Variants in TEX10 observed in about 807,000 individuals in gnomAD.
TEX10 encodes testis-expressed protein 10.
A neutral mutation model predicts 104.4 loss-of-function variants in TEX10; 24 were observed. The ratio of observed to expected loss-of-function variants is 0.23; its 90% CI spans 0.17 to 0.32. TEX10 has a LOEUF of 0.32. Ranked by LOEUF, TEX10 falls within the 10% of genes least tolerant of loss-of-function variation. TEX10 has a pLI of 1.00. For synonymous variants in TEX10, 396 were observed against 393.4 expected, an observed-to-expected ratio of 1.01 and a Z score of -0.08; for missense variants, 921 against 1,083.9, an observed-to-expected ratio of 0.85 and a Z score of 2.11.
intron 11 of TEX10, among the ~76,000 whole-genome samples, chr9:100,315,665 A>T (rs1163338947): frequency 4.6e-5 from 7 of 152,160 alleles, no homozygotes; most frequent in Non-Finnish European, 1.0e-4. Context: ...CAGCCAATAA[A>T]GTACTTTTTG....
In TEX10 at chr9:100,352,925, C is replaced by A; in HGVS notation, c.-163G>T. 1.0e-6 allele frequency: 1 copy of A among 991,006 alleles called. No individual in the cohort carries two copies. Among genetic ancestry groups the A allele is most frequent in the Non-Finnish European group, 1.2e-6 (1 of 834,118 alleles). The allele number at this position is 991,006 out of a possible 1,614,324, so 61.4% of individuals were successfully genotyped here. A position where few individuals can be genotyped will look rare whatever the true frequency, so the allele number is the denominator to read the frequency against. On this transcript the variant is annotated 5_prime_UTR_variant, in exon 1 of 15. Coordinates refer to ENST00000374902, the MANE Select transcript of TEX10 (RefSeq NM_017746.4). ...GTCCTCACGCGGCCGCGTCTCCTTC[C>A]GCCGCCCGGAAATCAGGGCCCCTCC...
chr9:100,329,052 G>C, intron 7 of TEX10, 88 bp downstream of exon 7: 1 of 1,338,362 alleles, frequency 7.5e-7, no homozygotes, highest in Non-Finnish European at 1.0e-6. Context: ...CTTCTCCAAA[G>C]ATTTAATCTC....
rs777899093 is a variant in TEX10 at position 100,352,916 on chromosome 9, G to T, written c.-154C>A. ...AATAGCCTCGTCCTCACGCGGCCGCGTCTCCTTCCGCCGCCCGGAAATCAG... is the reference window on the plus strand; with the variant it reads ...AATAGCCTCGTCCTCACGCGGCCGCTTCTCCTTCCGCCGCCCGGAAATCAG... On this transcript the variant is annotated 5_prime_UTR_variant, in exon 1 of 15. Transcript: ENST00000374902. 8.1e-6 allele frequency: 8 copies of T among 990,018 alleles called. No individual in the cohort carries two copies. Among genetic ancestry groups the T allele is most frequent in the Non-Finnish European group, 9.6e-6 (8 of 833,416 alleles). The allele number at this position is 990,018 out of a possible 1,614,324, so 61.3% of individuals were successfully genotyped here.
rs769908363 is a variant in TEX10, at chr9:100,330,169, G to C, written c.1251C>G (p.Ser417Arg). The C allele has an allele frequency of 1.3e-6, 2 of 1,586,270 alleles. No individual in the cohort carries two copies. Among genetic ancestry groups the C allele is most frequent in the Admixed American group, 1.7e-5 (1 of 58,738 alleles). ...TKHKRKEPNK[S>R]IKHCTVLSNN... Reference sequence around the variant, plus strand: ...TGGAGAGAACTGTGCAATGCTTGATGCTAGAAACAAAGACACACACATCTA... The same window carrying C: ...TGGAGAGAACTGTGCAATGCTTGATCCTAGAAACAAAGACACACACATCTA... The change falls in exon 6 of 15, where the codon AGC becomes AGG. Residue 417 changes from serine to arginine, a missense_variant and splice_region_variant. Transcript: ENST00000374902.
chr9:100,350,648 C>T (rs1835416237), intron 1 of TEX10, among the ~76,000 whole-genome samples: 1 of 152,072 alleles, frequency 6.6e-6, no homozygotes, highest in Non-Finnish European at 1.5e-5. Context: ...TTATCCTGTG[C>T]CTGGCCATAA....
chr9:100,347,304 G>A lies in TEX10; in HGVS notation c.283C>T (p.His95Tyr), dbSNP rs993027136. The A allele has an allele frequency of 1.9e-6, 3 of 1,614,036 alleles. No homozygotes were observed. The highest frequency in any genetic ancestry group is 2.5e-6 in the Non-Finnish European group (3 of 1,180,022). ...LSQYPFIIDAHLSNILSEVTA... is the reference protein window; with the variant it reads ...LSQYPFIIDAYLSNILSEVTA... ...ACTTCACTTAATATGTTTGAAAGGT[G>A]TGCATCAATTATAAATGGGTATTGA... Residue 95 changes from histidine to tyrosine, a missense_variant, in exon 3 of 15, where the codon CAC becomes TAC. By Grantham distance (83) the His-to-Tyr change is moderately conservative (BLOSUM62 2). Coordinates refer to ENST00000374902, the MANE Select transcript of TEX10 (RefSeq NM_017746.4).
intron 11 of TEX10, among the ~76,000 whole-genome samples, chr9:100,310,740 T>C (rs1049015088): frequency 3.9e-5 from 6 of 152,160 alleles, no homozygotes; most frequent in Non-Finnish European, 8.8e-5. Flanking sequence ...TGCCCAGCAA[T>C]AGATTCTTTT....
At chr9:100,306,652 C>G (rs10989050) in intron 13 of TEX10, 20,129 of 152,184 alleles carry the variant, frequency 0.13, 1,392 homozygotes, top group Non-Finnish European at 0.15. Flanking sequence ...TTATAAACAC[C>G]TTCTCCAGTG....
Position 100,346,787 on chromosome 9 carries a change from A to G in TEX10, c.800T>C (p.Ile267Thr), listed in dbSNP as rs1313933559. 5 of 1,614,170 alleles carry G rather than the reference A, an allele frequency of 3.1e-6. No homozygotes were observed. In the South Asian group the frequency reaches 5.5e-5, roughly 18 times the overall value. The change falls in exon 3 of 15, where the codon ATC (isoleucine) becomes ACC (threonine). Residue 267 changes from isoleucine to threonine, a missense_variant. Ile to Thr is a moderately conservative substitution (Grantham distance 89, BLOSUM62 -1). Around this residue, in one of 3 missense-constraint regions of TEX10, gnomAD observed 753 missense variants for 868.4 expected, o/e 0.87. Transcript: ENST00000374902. ...NPHATSNSIF[I>T]NWKEHANDQQ... The stretch of plus-strand genomic sequence containing the variant: ...GTCGTTGGCATGTTCCTTCCAGTTG[A>G]TAAAAATGGAGTTGCTAGTGGCATG...
At chr9:100,318,984 GA>G (rs201222368) in intron 11 of TEX10, among the ~76,000 whole-genome samples, 3,797 of 152,224 alleles carry the variant, frequency 0.025, 64 homozygotes, top group Non-Finnish European at 0.04. Context: ...CTGAGGTTAG[GA>G]ATTCAAGACC....
chr9:100,320,123 A>G, intron 11 of TEX10, 142 bp downstream of exon 11: 3 of 742,392 alleles, frequency 4.0e-6, no homozygotes, highest in Non-Finnish European at 5.9e-6. Context: ...TTTCAAACGT[A>G]CTTCTCCCAT....
chr9:100,334,566 A>G (rs1428933804), intron 5 of TEX10, among the ~76,000 whole-genome samples: 4 of 152,216 alleles, frequency 2.6e-5, no homozygotes, highest in African/African-American at 9.6e-5. Flanking sequence ...AGTGGTAGAC[A>G]GAAGTTTACT....
intron 11 of TEX10, among the ~76,000 whole-genome samples, chr9:100,318,489 G>A (rs1309719876): frequency 6.6e-6 from 1 of 152,142 alleles, no homozygotes; most frequent in Non-Finnish European, 1.5e-5. Context: ...TGGGGTGAAT[G>A]ATAGGAGATT....
rs139654053 is a variant in TEX10 at position 100,320,359 on chromosome 9, C to T, written c.2108G>A (p.Arg703Gln). 8 of 1,612,264 alleles carry T rather than the reference C, an allele frequency of 5.0e-6. No individual in the cohort carries two copies. Among genetic ancestry groups the T allele is most frequent in the Admixed American group, 1.7e-5 (1 of 59,958 alleles). Residue 703 changes from arginine to glutamine, a missense_variant, in exon 11 of 15, where the codon CGA (arginine) becomes CAA (glutamine). By Grantham distance (43) the Arg-to-Gln change is conservative. Coordinates refer to ENST00000374902, the MANE Select transcript of TEX10 (RefSeq NM_017746.4). ...TGTCTGGATGACATGAGGAACTCCTCGAAGGCTCTGAAGCCAAGTCAACTC... is the reference window on the plus strand; with the variant it reads ...TGTCTGGATGACATGAGGAACTCCTTGAAGGCTCTGAAGCCAAGTCAACTC... ...KEELTWLQSL[R>Q]GVPHVIQTQL...
intron 11 of TEX10, 134 bp from the exon 12 acceptor site, chr9:100,310,513 A>T: frequency 1.3e-6 from 1 of 762,446 alleles, no homozygotes; most frequent in Non-Finnish European, 2.1e-6. Flanking sequence ...GTCTCAGCTC[A>T]CCGCAACCCC....
chr9:100,314,041 A>G (rs898508109), intron 11 of TEX10, among the ~76,000 whole-genome samples: 1 of 151,470 alleles, frequency 6.6e-6, no homozygotes, highest in Non-Finnish European at 1.5e-5. Context: ...GGCAGAATTC[A>G]GCTGTGAATC....
intron 14 of TEX10, among the ~76,000 whole-genome samples, chr9:100,302,927 C>T (rs927547042): frequency 3.7e-5 from 4 of 108,914 alleles, no homozygotes; most frequent in South Asian, 4.7e-4. Flanking sequence ...CTTTTTTAAC[C>T]GCCCCCCCCC....
intron 10 of TEX10, 140 bp from the exon 11 acceptor site, chr9:100,320,538 T>A: frequency 1.1e-6 from 1 of 924,006 alleles, no homozygotes. Context: ...CTGCATTTCA[T>A]GCTATATTTT....
chr9:100,340,703 T>C (rs1393778687), intron 4 of TEX10, among the ~76,000 whole-genome samples: 1 of 152,218 alleles, frequency 6.6e-6, no homozygotes, highest in Non-Finnish European at 1.5e-5. Flanking sequence ...TTCTCCCTGA[T>C]GTTCTGTCTA....
Sources: gnomAD v4.1 joint callset for allele counts (sites outside exome capture counted in the v4.1 genomes callset) on GRCh38, gnomAD v4.1.1 for gene constraint, gnomAD v4.1.1 regional missense constraint, MANE v1.5 for transcripts, NCBI Gene and HGNC (gene_info 2026-07-23, HGNC 2026-07-21) for gene names.